The following PLEKHA3 variants were observed in gnomAD, a reference collection of about 807,000 sequenced individuals.
The protein encoded by PLEKHA3 is pleckstrin homology domain-containing family A member 3.
A neutral mutation model predicts 39.2 loss-of-function variants in PLEKHA3; 19 were observed. That is an observed-to-expected ratio of 0.48 (90% CI 0.34 to 0.71). PLEKHA3 has a LOEUF of 0.71. Ranked by LOEUF, PLEKHA3 falls within the 30% of genes least tolerant of loss-of-function variation. The pLI, the probability that PLEKHA3 is intolerant of heterozygous loss-of-function variation, is 0.01. For synonymous variants in PLEKHA3, 97 were observed against 118.6 expected, an observed-to-expected ratio of 0.82 and a Z score of 1.18; for missense variants, 253 against 359.5, an observed-to-expected ratio of 0.70 and a Z score of 2.40.
rs1476112619 is a variant in PLEKHA3 at position 178,508,493 on chromosome 2, C to T, written c.*4606C>T. The T allele has an allele frequency of 6.6e-6, 1 of 152,280 alleles. No individual in the cohort carries two copies. Among genetic ancestry groups the T allele is most frequent in the Non-Finnish European group, 1.5e-5 (1 of 68,034 alleles). 9.4% of individuals were successfully genotyped at this position (152,280 alleles called of 1,614,324 possible). ...TGTTTTGGGCTCTTTCATTCTGAAG[C>T]CTTTCTTAGAAATCATCTATTCATA... On this transcript the variant is annotated 3_prime_UTR_variant, in exon 8 of 8. Transcript: ENST00000234453.
chr2:178,514,724 A>G lies in PLEKHA3; in HGVS notation c.*10837A>G, dbSNP rs982306951. On this transcript the variant is annotated 3_prime_UTR_variant, in exon 8 of 8. Transcript: ENST00000234453. ...GTACTAGTTTAGGTAAGTGAAATTC[A>G]ATAGCATATCAGTGCTTTACCTTAG... The G allele has an allele frequency of 1.3e-5, 2 of 151,712 alleles. No individual in the cohort carries two copies. Among genetic ancestry groups the G allele is most frequent in the African/African-American group, 4.8e-5 (2 of 41,266 alleles). 9.4% of individuals were successfully genotyped at this position (151,712 alleles called of 1,614,324 possible). A position where few individuals can be genotyped will look rare whatever the true frequency, so the allele number is the denominator to read the frequency against.
At chr2:178,499,530 A>G (rs566541791) in intron 6 of PLEKHA3, among the ~76,000 whole-genome samples, 4 of 152,286 alleles carry the variant, frequency 2.6e-5, no homozygotes, top group Non-Finnish European at 4.4e-5. Flanking sequence ...ATGCAGTCAT[A>G]TATTGAAGAA....
rs936502696 is a variant in PLEKHA3, at chr2:178,506,139, G to A, written c.*2252G>A. On this transcript the variant is annotated 3_prime_UTR_variant, in exon 8 of 8. Coordinates refer to ENST00000234453, the MANE Select transcript of PLEKHA3 (RefSeq NM_019091.4). ...TTCTGTAAGAATTTTAGCTTGTCAA[G>A]TTGTTCTATACTTTATAGAAAAATT... The A allele has an allele frequency of 1.3e-5, 2 of 152,028 alleles. No individual in the cohort carries two copies. The highest frequency in any genetic ancestry group is 4.8e-5 in the African/African-American group (2 of 41,416). The allele number at this position is 152,028 out of a possible 1,614,324, so 9.4% of individuals were successfully genotyped here. A position where few individuals can be genotyped will look rare whatever the true frequency, so the allele number is the denominator to read the frequency against.
intron 1 of PLEKHA3, among the ~76,000 whole-genome samples, chr2:178,482,301 C>T (rs969552998): frequency 3.3e-5 from 5 of 151,766 alleles, no homozygotes; most frequent in Admixed American, 1.3e-4. Context: ...CTTTGGGAGG[C>T]GGAGGTGGGA....
At chr2:178,485,936 A>G (rs1260935896) in intron 2 of PLEKHA3, among the ~76,000 whole-genome samples, 179 bp downstream of exon 2, 1 of 152,226 alleles carries the variant, frequency 6.6e-6, no homozygotes, top group Non-Finnish European at 1.5e-5. Flanking sequence ...ACAGTTTTTG[A>G]TAATTCTCCC....
Position 178,489,770 on chromosome 2 carries a change from C to T in PLEKHA3, c.158-889C>T, listed in dbSNP as rs180791512. On this transcript the variant is annotated intron_variant, in intron 2 of 7. Coordinates refer to ENST00000234453, the MANE Select transcript of PLEKHA3 (RefSeq NM_019091.4). ...CTCATTCATTTTCTTAACCAAATCC[C>T]GCTTTCATCAAACCCTTCTTCTTGA... Among the ~76,000 whole-genome samples the T allele has an allele frequency of 7.9e-5, 12 of 152,228 alleles. No homozygotes were observed. The East Asian group carries it at 1.4e-3, about 17-fold the overall frequency.
rs373593629 is a variant in PLEKHA3 at position 178,511,766 on chromosome 2, C to T, written c.*7879C>T. ...CTCCTAAGCTCAGGAGATCCGCCTG[C>T]CTCAGCCTCTGAAAGTGCTGGGATT... On this transcript the variant is annotated 3_prime_UTR_variant, in exon 8 of 8. Coordinates refer to ENST00000234453, the MANE Select transcript of PLEKHA3 (RefSeq NM_019091.4). The T allele has an allele frequency of 2.0e-5, 3 of 152,080 alleles. No homozygotes were observed. Among genetic ancestry groups the T allele is most frequent in the East Asian group, 1.9e-4 (1 of 5,164 alleles). 9.4% of individuals were successfully genotyped at this position (152,080 alleles called of 1,614,324 possible). A position where few individuals can be genotyped will look rare whatever the true frequency, so the allele number is the denominator to read the frequency against.
intron 3 of PLEKHA3, among the ~76,000 whole-genome samples, chr2:178,491,087 T>C (rs1485778217): frequency 1.3e-5 from 2 of 150,346 alleles, no homozygotes; most frequent in Non-Finnish European, 2.9e-5. Flanking sequence ...CTCGGCTTAC[T>C]GCAACCTCTG....
chr2:178,507,339 T>G lies in PLEKHA3; in HGVS notation c.*3452T>G, dbSNP rs952781800. The G allele has an allele frequency of 2.6e-5, 4 of 152,216 alleles. No individual in the cohort carries two copies. The highest frequency in any genetic ancestry group is 9.6e-5 in the African/African-American group (4 of 41,464). 9.4% of individuals were successfully genotyped at this position (152,216 alleles called of 1,614,324 possible). On this transcript the variant is annotated 3_prime_UTR_variant, in exon 8 of 8. Transcript: ENST00000234453. ...ATAGATAGACATAAATGTAGTTCAC[T>G]GATGTACCACATGGTTAACTATCAT...
At chr2:178,483,178 G>T (rs2154127496) in intron 1 of PLEKHA3, among the ~76,000 whole-genome samples, 1 of 152,128 alleles carries the variant, frequency 6.6e-6, no homozygotes, top group Middle Eastern at 3.4e-3. Context: ...AGAATTATTT[G>T]AGCCTGGGAG....
chr2:178,499,130 G>T, intron 5 of PLEKHA3, 81 bp from the exon 6 acceptor site: 2 of 1,319,230 alleles, frequency 1.5e-6, no homozygotes, highest in Non-Finnish European at 2.1e-6. Flanking sequence ...TGTTTATTAT[G>T]ATAATAGTAA....
Position 178,514,544 on chromosome 2 carries a change from G to C in PLEKHA3, c.*10657G>C, listed in dbSNP as rs1685732683. 1 of 151,986 alleles carries C rather than the reference G, an allele frequency of 6.6e-6. No individual in the cohort carries two copies. Among genetic ancestry groups the C allele is most frequent in the Admixed American group, 6.6e-5 (1 of 15,260 alleles). The allele number at this position is 151,986 out of a possible 1,614,324, so 9.4% of individuals were successfully genotyped here. ...TTTAAAATGGGAACAAACATAGCCT[G>C]TCATGTCTTTATTTAGGCTAAGTGC... On this transcript the variant is annotated 3_prime_UTR_variant, in exon 8 of 8. Transcript: ENST00000234453.
rs2154127931 is a variant in PLEKHA3 at position 178,499,273 on chromosome 2, C to T, written c.659+19C>T. On this transcript the variant is annotated intron_variant, in intron 6 of 7. Transcript: ENST00000234453. ...CAGAGAGGTAAAAGAACCTTTTCTT[C>T]TGACTAAGTTCTCTCAAATTATATC... is the stretch of plus-strand genomic sequence containing the variant. The T allele has an allele frequency of 6.2e-7, 1 of 1,608,392 alleles. No homozygotes were observed. The highest frequency in any genetic ancestry group is 1.3e-5 in the African/African-American group (1 of 74,564).
intron 2 of PLEKHA3, among the ~76,000 whole-genome samples, chr2:178,487,892 G>A (rs370913332): frequency 2.6e-5 from 4 of 152,266 alleles, no homozygotes; most frequent in South Asian, 2.1e-4. Context: ...AATATTTCTG[G>A]TGTTTGTAGT....
intron 5 of PLEKHA3, among the ~76,000 whole-genome samples, chr2:178,496,991 G>T (rs539291946): frequency 6.6e-6 from 1 of 151,976 alleles, no homozygotes; most frequent in South Asian, 2.1e-4. Flanking sequence ...TCATTTTGTT[G>T]CCCAGGCTGG....
intron 3 of PLEKHA3, among the ~76,000 whole-genome samples, chr2:178,491,388 G>T (rs1685345358): frequency 1.3e-5 from 2 of 152,286 alleles, no homozygotes; most frequent in South Asian, 4.1e-4. Context: ...AATGCCCAGG[G>T]TTAAATGATC....
intron 2 of PLEKHA3, 135 bp from the exon 3 acceptor site, chr2:178,490,524 A>G (rs1009688518): frequency 2.2e-6 from 2 of 907,084 alleles, no homozygotes; most frequent in South Asian, 1.9e-5. Context: ...AGGGAGCAGC[A>G]CTGCCTGCAT....
chr2:178,482,265 A>G (rs1425415919), intron 1 of PLEKHA3, among the ~76,000 whole-genome samples: 1 of 152,078 alleles, frequency 6.6e-6, no homozygotes, highest in Non-Finnish European at 1.5e-5. Context: ...AAGACAGTAG[A>G]GTGCTTCATG....
At chr2:178,502,230 CTT>C (rs146472277) in intron 7 of PLEKHA3, 210 of 154,298 alleles carry the variant, frequency 1.4e-3, no homozygotes, top group South Asian at 5.2e-3. Flanking sequence ...TTGATAGAAT[CTT>C]TTTTTTTTTT....
Sources: gnomAD v4.1 joint callset for allele counts (sites outside exome capture counted in the v4.1 genomes callset) on GRCh38, gnomAD v4.1.1 for gene constraint, MANE v1.5 for transcripts, NCBI Gene and HGNC (gene_info 2026-07-23, HGNC 2026-07-21) for gene names.